TRDN: variants seen among roughly 807,000 people sequenced by gnomAD.
The protein encoded by TRDN is triadin, also known as triadin in skeletal muscle.
A neutral mutation model predicts 149.7 loss-of-function variants in TRDN; 161 were observed. That is an observed-to-expected ratio of 1.08 (90% CI 0.95 to 1.23). TRDN has a LOEUF of 1.23. TRDN is among the 50% of genes most tolerant of loss of function. The pLI, the probability that TRDN is intolerant of heterozygous loss-of-function variation, is 0.00. For synonymous variants in TRDN, 294 were observed against 250.5 expected (o/e 1.17, Z -1.64); for missense variants, 896 against 823.5 (o/e 1.09, Z -1.08).
chr6:123,587,941 C>T (rs531784465), intron 1 of TRDN, among the ~76,000 whole-genome samples: 6 of 152,072 alleles, frequency 3.9e-5, no homozygotes, highest in Non-Finnish European at 7.4e-5. Flanking sequence ...CAGGAACTGT[C>T]GATCTGGATG....
intron 12 of TRDN, among the ~76,000 whole-genome samples, chr6:123,422,364 A>G (rs1285188248): frequency 6.6e-6 from 1 of 152,116 alleles, no homozygotes; most frequent in Non-Finnish European, 1.5e-5. Context: ...TAAGCCTGAC[A>G]TTTACAGAAG....
intron 21 of TRDN, among the ~76,000 whole-genome samples, chr6:123,345,304 G>A (rs774026258): frequency 1.3e-5 from 2 of 151,790 alleles, no homozygotes; most frequent in Non-Finnish European, 2.9e-5. Flanking sequence ...ACACCAATTT[G>A]TTCAAAAGTC....
chr6:123,474,156 G>C (rs572429763), intron 9 of TRDN, among the ~76,000 whole-genome samples: 20 of 145,598 alleles, frequency 1.4e-4, no homozygotes, highest in Non-Finnish European at 2.9e-4. Flanking sequence ...TGGCAAATTG[G>C]ATAGAGTCAA....
Position 123,582,139 on chromosome 6 carries a change from C to T in TRDN, c.23-11007G>A, listed in dbSNP as rs183456900. Among the ~76,000 whole-genome samples, 7 of 152,248 alleles carry T rather than the reference C, an allele frequency of 4.6e-5. No homozygotes were observed. In the East Asian group the frequency reaches 1.4e-3, roughly 29 times the overall value. On this transcript the variant is annotated intron_variant, in intron 1 of 40. Coordinates refer to ENST00000334268, the MANE Select transcript of TRDN (RefSeq NM_006073.4). ...CAATAATCAATACATGTACCCTATA[C>T]ATTGGTTCAGTTCAGAAGAGTGAGA...
Position 123,571,098 on chromosome 6 carries a change from GCTGT to G in TRDN, c.53_56del (p.Asp18AlafsTer14), listed in dbSNP as rs768049331. The stretch of plus-strand genomic sequence containing the variant: ...GGGATTTGGGCACAGATCCATTTTT[GCTGT>G]CTATCACAGTTGTGGTTGTAGATGC... On this transcript the variant is annotated frameshift_variant, in exon 2 of 41. Coordinates refer to ENST00000334268, the MANE Select transcript of TRDN (RefSeq NM_006073.4). LOFTEE classifies it high-confidence loss of function. 63 of 1,613,766 alleles carry G rather than the reference GCTGT, an allele frequency of 3.9e-5. No homozygotes were observed. The African/African-American group carries it at 7.9e-4, about 20-fold the overall frequency.
At chr6:123,386,105 G>A (rs913476613) in intron 14 of TRDN, among the ~76,000 whole-genome samples, 2 of 152,194 alleles carry the variant, frequency 1.3e-5, no homozygotes, top group African/African-American at 2.4e-5. Context: ...TCCTCCATAA[G>A]GGATAAAAGT....
At chr6:123,593,690 G>C (rs1015671614) in intron 1 of TRDN, among the ~76,000 whole-genome samples, 1 of 152,090 alleles carries the variant, frequency 6.6e-6, no homozygotes, top group African/African-American at 2.4e-5. Context: ...TAATGGATTG[G>C]ATCACACCTT....
chr6:123,447,636 C>A (rs1775467654), intron 10 of TRDN, among the ~76,000 whole-genome samples: 1 of 152,122 alleles, frequency 6.6e-6, no homozygotes, highest in Admixed American at 6.5e-5. Flanking sequence ...CTATATCATT[C>A]ATGAAATAAA....
intron 10 of TRDN, chr6:123,462,160 T>G (rs1446689369): frequency 6.6e-6 from 1 of 152,102 alleles, no homozygotes; most frequent in African/African-American, 2.4e-5. Flanking sequence ...AAACATAAAA[T>G]AAGAGTCAAA....
intron 22 of TRDN, among the ~76,000 whole-genome samples, chr6:123,337,186 C>G (rs1319135530): frequency 6.6e-6 from 1 of 151,946 alleles, no homozygotes; most frequent in Non-Finnish European, 1.5e-5. Flanking sequence ...ATATTACTTC[C>G]TATTTGTAGC....
At chr6:123,589,544 T>A (rs1413708239) in intron 1 of TRDN, among the ~76,000 whole-genome samples, 2 of 152,194 alleles carry the variant, frequency 1.3e-5, no homozygotes, top group African/African-American at 2.4e-5. Flanking sequence ...TTGTTGACTC[T>A]AATGTGCGTT....
At chr6:123,340,941 G>A (rs1780042916) in intron 21 of TRDN, among the ~76,000 whole-genome samples, 3 of 152,004 alleles carry the variant, frequency 2.0e-5, no homozygotes, top group Middle Eastern at 3.4e-3. Context: ...GTGATTAATT[G>A]CATAATTGTT....
At chr6:123,425,081 A>G (rs1204959012) in intron 12 of TRDN, among the ~76,000 whole-genome samples, 2 of 152,038 alleles carry the variant, frequency 1.3e-5, no homozygotes, top group Non-Finnish European at 2.9e-5. Context: ...ACATATTTCA[A>G]AGGTGAAAGT....
intron 7 of TRDN, among the ~76,000 whole-genome samples, chr6:123,510,691 C>T (rs1396653908): frequency 2.7e-5 from 4 of 149,792 alleles, no homozygotes; most frequent in South Asian, 2.1e-4. Context: ...TTGCCCAGGC[C>T]GGAGTGCAGT....
intron 24 of TRDN, among the ~76,000 whole-genome samples, chr6:123,313,857 T>TTAA (rs1380556175): frequency 6.6e-6 from 1 of 151,994 alleles, no homozygotes; most frequent in African/African-American, 2.4e-5. Flanking sequence ...TCAAGATGGA[T>TTAA]TAAATACTTA....
intron 38 of TRDN, among the ~76,000 whole-genome samples, chr6:123,240,137 T>C (rs547182485): frequency 1.2e-4 from 18 of 152,100 alleles, no homozygotes; most frequent in Admixed American, 2.6e-4. Flanking sequence ...TTGTAGTAGT[T>C]ACTTCTGATA....
intron 8 of TRDN, among the ~76,000 whole-genome samples, chr6:123,500,662 T>G (rs1366754489): frequency 6.6e-6 from 1 of 152,162 alleles, no homozygotes; most frequent in Admixed American, 6.5e-5. Flanking sequence ...TCCTTCTTGA[T>G]TCTCAGGAAG....
chr6:123,360,858 G>T (rs1446023950), intron 20 of TRDN, among the ~76,000 whole-genome samples: 1 of 152,116 alleles, frequency 6.6e-6, no homozygotes, highest in Non-Finnish European at 1.5e-5. Context: ...GCCACAAAAT[G>T]GTATGGATGA....
At chr6:123,239,814 A>C (rs957539316) in intron 38 of TRDN, among the ~76,000 whole-genome samples, 21 of 152,088 alleles carry the variant, frequency 1.4e-4, no homozygotes. Context: ...TAGATTAATA[A>C]AATAAGCATA....
Sources: gnomAD v4.1 joint callset for allele counts (sites outside exome capture counted in the v4.1 genomes callset) on GRCh38, gnomAD v4.1.1 for gene constraint, MANE v1.5 for transcripts, NCBI Gene and HGNC (gene_info 2026-07-23, HGNC 2026-07-21) for gene names.